The following NACC2 variants were observed in gnomAD, a reference collection of about 807,000 sequenced individuals.
NACC2 encodes the protein NACC family member 2.
NACC2 carries 8 observed loss-of-function variants against 25.1 expected under a neutral mutation model. The observed-to-expected ratio is 0.32, with a 90% CI of 0.19 to 0.57. The LOEUF (loss-of-function observed/expected upper bound fraction) is 0.57, where lower values mean the gene tolerates loss of function less well. Among genes scored for constraint, NACC2 ranks in the 20% least tolerant of loss-of-function variants. The pLI, the probability that NACC2 is intolerant of heterozygous loss-of-function variation, is 0.89. For missense variants in NACC2, 644 were observed against 650.2 expected, an observed-to-expected ratio of 0.99 and a Z score of 0.10; for synonymous variants, 435 against 294.7, an observed-to-expected ratio of 1.48 and a Z score of -4.88.
chr9:136,030,413 T>C (rs940084653), intron 2 of NACC2, among the ~76,000 whole-genome samples: 7 of 151,750 alleles, frequency 4.6e-5, no homozygotes, highest in Non-Finnish European at 1.0e-4. Context: ...ATCGAGACCA[T>C]CCCGGTGAAC....
rs371219779 is a variant in NACC2, at chr9:136,011,305, C to T, written c.*211G>A. 4.3e-6 allele frequency: 2 copies of T among 461,088 alleles called. No individual in the cohort carries two copies. The highest frequency in any genetic ancestry group is 6.8e-6 in the Non-Finnish European group (2 of 293,508). The allele number at this position is 461,088 out of a possible 1,614,324, so 28.6% of individuals were successfully genotyped here. ...CAAAAGGGAGCCCTGGGAACTTCCT[C>T]GCAGGAGGCTGCCAGTGGCCTAATT... On this transcript the variant is annotated 3_prime_UTR_variant, in exon 6 of 6. Transcript: ENST00000277554.
intron 1 of NACC2, among the ~76,000 whole-genome samples, chr9:136,060,287 C>T (rs901426129): frequency 3.3e-5 from 5 of 152,204 alleles, no homozygotes; most frequent in African/African-American, 1.2e-4. Context: ...GGAAAAACGG[C>T]GGAAGGTGGG....
chr9:136,023,116 G>GA (rs1564220813), intron 2 of NACC2, among the ~76,000 whole-genome samples: 1 of 22,380 alleles, frequency 4.5e-5, no homozygotes, highest in Non-Finnish European at 1.0e-4. Context: ...GAGGAGGGAG[G>GA]GGGAGGAGGG....
At chr9:136,042,921 AACAGACACAC>A (rs927916925) in intron 2 of NACC2, among the ~76,000 whole-genome samples, 2 of 141,738 alleles carry the variant, frequency 1.4e-5, no homozygotes, top group African/African-American at 5.3e-5. Context: ...CACAGAGACA[AACAGACACAC>A]ACAGAGACAG....
intron 1 of NACC2, among the ~76,000 whole-genome samples, chr9:136,067,038 G>T (rs886530391): frequency 6.6e-6 from 1 of 151,556 alleles, no homozygotes; most frequent in African/African-American, 2.4e-5. Context: ...ATCACCTGAG[G>T]TCGGGAGTTC....
chr9:136,036,713 G>A (rs1362505283), intron 2 of NACC2, among the ~76,000 whole-genome samples: 1 of 152,164 alleles, frequency 6.6e-6, no homozygotes, highest in Non-Finnish European at 1.5e-5. Context: ...CCACAGCAGA[G>A]ATTACTCGGC....
intron 3 of NACC2, among the ~76,000 whole-genome samples, chr9:136,015,111 G>A (rs1414276299): frequency 1.3e-5 from 2 of 152,192 alleles, no homozygotes; most frequent in Non-Finnish European, 1.5e-5. Flanking sequence ...CTGGGCTGGA[G>A]GAACTCTCCT....
At chr9:136,087,392 CT>C (rs2131190554) in intron 1 of NACC2, among the ~76,000 whole-genome samples, 1 of 152,348 alleles carries the variant, frequency 6.6e-6, no homozygotes, top group South Asian at 2.1e-4. Flanking sequence ...TCCTCCTGGC[CT>C]GTCACCTGCA....
At chr9:136,094,742 T>G (rs1286018364) in intron 1 of NACC2, among the ~76,000 whole-genome samples, 2 of 150,812 alleles carry the variant, frequency 1.3e-5, no homozygotes, top group African/African-American at 2.4e-5. Context: ...GAGGGGTGGG[T>G]ACCTCCGCCC....
chr9:136,013,169 C>CCCCCCCCCCAGAG lies in NACC2; in HGVS notation c.1255+29_1255+30insCTCTGGGGGGGGG. On this transcript the variant is annotated intron_variant, in intron 5 of 5. Transcript: ENST00000277554. This position sits in a 1 kb window ranked among gnomAD's most constrained non-coding sequence, Gnocchi z 6.6. The stretch of plus-strand genomic sequence containing the variant: ...TGGGATCTGAACCCAGCCCCGGCCC[C>CCCCCCCCCCAGAG]ACCCACCCGAGAGACCCCCAGGCTC... 9.3e-7 allele frequency: 1 copy of CCCCCCCCCCAGAG among 1,077,568 alleles called. No individual in the cohort carries two copies. The highest frequency in any genetic ancestry group is 1.3e-5 in the South Asian group (1 of 79,666). 66.8% of individuals were successfully genotyped at this position (1,077,568 alleles called of 1,614,324 possible). A position where few individuals can be genotyped will look rare whatever the true frequency, so the allele number is the denominator to read the frequency against.
At chr9:136,053,771 G>A (rs1176536318) in intron 1 of NACC2, among the ~76,000 whole-genome samples, 2 of 152,244 alleles carry the variant, frequency 1.3e-5, no homozygotes, top group Non-Finnish European at 2.9e-5. Context: ...GGGTAGGGAT[G>A]TCTGAGTCAT....
At chr9:136,048,468 C>A (rs1564230124) in intron 2 of NACC2, among the ~76,000 whole-genome samples, 1 of 152,228 alleles carries the variant, frequency 6.6e-6, no homozygotes, top group Admixed American at 6.5e-5. Context: ...AGCCCTACCC[C>A]CTACCACTAA....
intron 1 of NACC2, among the ~76,000 whole-genome samples, chr9:136,059,922 CA>C (rs1346160734): frequency 1.1e-4 from 16 of 152,228 alleles, no homozygotes; most frequent in Admixed American, 1.0e-3. Context: ...ATGTCCTGAC[CA>C]GCAGAGAGGG....
intron 2 of NACC2, among the ~76,000 whole-genome samples, chr9:136,045,279 G>T (rs1840703298): frequency 8.7e-6 from 1 of 114,502 alleles, no homozygotes; most frequent in Non-Finnish European, 2.0e-5. Flanking sequence ...AGGGGAAGCG[G>T]ACATGCACAG....
chr9:136,040,202 G>T (rs1052426576), intron 2 of NACC2, among the ~76,000 whole-genome samples: 1 of 151,880 alleles, frequency 6.6e-6, no homozygotes, highest in South Asian at 2.1e-4. Context: ...AAAATTAGCC[G>T]GGCGTGGTGG....
At chr9:136,091,903 C>G (rs1041358866) in intron 1 of NACC2, among the ~76,000 whole-genome samples, 2 of 152,200 alleles carry the variant, frequency 1.3e-5, no homozygotes, top group South Asian at 4.1e-4. Flanking sequence ...GCAACAGAGG[C>G]GGAGGCAGGC....
At position 136,094,513 on chromosome 9, in the gene NACC2, G is replaced by C. The variant is rs536404714; in HGVS notation, c.-60+676C>G. Among the ~76,000 whole-genome samples the C allele has an allele frequency of 4.3e-4, 66 of 152,130 alleles. No individual in the cohort carries two copies. The South Asian group carries it at 6.4e-3, about 15-fold the overall frequency. Reference sequence around the variant, plus strand: ...GCCCCGGGCTCCGCTGAGTTTCTTAGAGAAGGAGCTGGGGCCCCCCGACCT... The same window carrying C: ...GCCCCGGGCTCCGCTGAGTTTCTTACAGAAGGAGCTGGGGCCCCCCGACCT... On this transcript the variant is annotated intron_variant, in intron 1 of 5. Coordinates refer to ENST00000277554, the MANE Select transcript of NACC2 (RefSeq NM_144653.5).
chr9:136,049,092 G>A (rs1840773940), intron 2 of NACC2, among the ~76,000 whole-genome samples: 1 of 152,226 alleles, frequency 6.6e-6, no homozygotes, highest in East Asian at 1.9e-4. Flanking sequence ...CTGGGTTTGT[G>A]GGGCCCAGGA....
At position 136,085,012 on chromosome 9, in the gene NACC2, G is replaced by A. The variant is rs578065822; in HGVS notation, c.-60+10177C>T. Among the ~76,000 whole-genome samples, 5 of 152,164 alleles carry A rather than the reference G, an allele frequency of 3.3e-5. No homozygotes were observed. In the South Asian group the frequency reaches 6.2e-4, roughly 19 times the overall value. ...TTCTAGAGATGGTGCTGAGGGCAGC[G>A]CAAAAATGTGCATGCTTCATTCCAC... On this transcript the variant is annotated intron_variant, in intron 1 of 5. Transcript: ENST00000277554.
Sources: allele counts gnomAD v4.1 joint callset (sites outside exome capture counted in the v4.1 genomes callset), GRCh38; gene constraint gnomAD v4.1.1; non-coding constraint Gnocchi (gnomAD v3.1); transcripts MANE v1.5; gene names NCBI Gene and HGNC (gene_info 2026-07-23, HGNC 2026-07-21).